The following GLOD4 variants were observed in gnomAD, a reference collection of about 807,000 sequenced individuals.
GLOD4 encodes glyoxalase domain containing 4.
A neutral mutation model predicts 39.1 loss-of-function variants in GLOD4; 44 were observed. The observed-to-expected ratio is 1.13, with a 90% CI of 0.88 to 1.45. The LOEUF is 1.45. Ranked by LOEUF, GLOD4 falls within the 40% of genes most tolerant of loss-of-function variation. GLOD4 has a pLI of 0.00. For missense variants in GLOD4, 405 were observed against 366.4 expected (o/e 1.11, Z -0.86); for synonymous variants, 145 against 135.0 (o/e 1.07, Z -0.52).
intron 8 of GLOD4, 41 bp from the exon 9 acceptor site, chr17:760,279 A>G: frequency 8.8e-7 from 1 of 1,138,180 alleles, no homozygotes; most frequent in Non-Finnish European, 1.3e-6. Context: ...TCCAAGCCTG[A>G]AAAACAAAAG....
At chr17:768,230 GAAAC>G (rs767205523) in intron 8 of GLOD4, among the ~76,000 whole-genome samples, 40 of 150,424 alleles carry the variant, frequency 2.7e-4, no homozygotes, top group Non-Finnish European at 5.5e-4. Flanking sequence ...GTGTGAGAGA[GAAAC>G]AGCGCGCACT....
chr17:784,687 A>G (rs1327271020), upstream of GLOD4, among the ~76,000 whole-genome samples: 1 of 152,200 alleles, frequency 6.6e-6, no homozygotes, highest in African/African-American at 2.4e-5. Context: ...TAAGGGAGAA[A>G]TGGATAGGAA....
At chr17:783,000 CTT>C, upstream of GLOD4, 1 of 1,519,692 alleles carries the variant, frequency 6.6e-7, no homozygotes, top group Non-Finnish European at 8.8e-7. Flanking sequence ...CTCCGTAGCT[CTT>C]TATTTCTGTT....
rs11663 is a variant in GLOD4 at position 769,950 on chromosome 17, T to A, written c.750A>T (p.Gly250=). ...CATCCCCGACAAAGCAAATTTCATG[T>A]CCGTCCTACACCAATAAAGAGAAAA... ...VQVVILADPD[G]HEICFVGDEA... The change falls in exon 8 of 9, where the codon GGA becomes GGT. Residue 250 remains glycine, a synonymous_variant. Transcript: ENST00000301329. The A allele has an allele frequency of 0.026, 41,521 of 1,606,994 alleles. 659 individuals carry two copies. Among genetic ancestry groups the A allele is most frequent in the Non-Finnish European group, 0.031 (35,880 of 1,173,462 alleles).
In GLOD4 at chr17:775,753, T is replaced by C. The variant is rs185292592; in HGVS notation, c.406+22A>G. The C allele has an allele frequency of 1.7e-3, 2,696 of 1,606,552 alleles. 3 individuals carry two copies. Among genetic ancestry groups the C allele is most frequent in the Non-Finnish European group, 2.0e-3 (2,366 of 1,173,502 alleles). Reference sequence around the variant, plus strand: ...CAAAGATGCCTTTAGACAGAGGCTTTTACTGGTTCTGGTATAATTACCTGA... The same window carrying C: ...CAAAGATGCCTTTAGACAGAGGCTTCTACTGGTTCTGGTATAATTACCTGA... On this transcript the variant is annotated intron_variant, in intron 4 of 8. Transcript: ENST00000301329.
At chr17:773,417 AATGT>A (rs1158792375) in intron 4 of GLOD4, among the ~76,000 whole-genome samples, 1 of 152,246 alleles carries the variant, frequency 6.6e-6, no homozygotes, top group East Asian at 1.9e-4. Context: ...GATATACAGA[AATGT>A]ATACACTTAA....
At chr17:781,868 T>C in intron 1 of GLOD4, 1 of 422,220 alleles carries the variant, frequency 2.4e-6, no homozygotes. Flanking sequence ...TTTACCGTCT[T>C]TTCCGGTAGA....
In GLOD4 at chr17:782,190, GAA is replaced by G; in HGVS notation, c.64_65del (p.Phe22LeufsTer13). The stretch of plus-strand genomic sequence containing the variant: ...CCTTCATCCCCAGGACGTCCCGATA[GAA>G]ACGCGCCGTCTGGAAGCGGTTTCCC... ...KVGNRFQTARFYRDVLGMKVL... is the reference protein window; with the variant it reads ...KVGNRFQTARXYRDVLGMKVL... On this transcript the variant is annotated frameshift_variant, in exon 1 of 9. Coordinates refer to ENST00000301329, the MANE Select transcript of GLOD4 (RefSeq NM_016080.4). LOFTEE classifies it high-confidence loss of function. The G allele has an allele frequency of 1.2e-6, 2 of 1,609,412 alleles. No individual in the cohort carries two copies. Among genetic ancestry groups the G allele is most frequent in the Non-Finnish European group, 1.7e-6 (2 of 1,176,714 alleles).
chr17:771,851 A>G lies in GLOD4; in HGVS notation c.407-390T>C, dbSNP rs966678803. On this transcript the variant is annotated intron_variant, in intron 4 of 8. Transcript: ENST00000301329. ...AAAACCCTGTCTCTACTAAAAATAA[A>G]AAATAAAAAAAATTAGCTGGGCGTG... Among the ~76,000 whole-genome samples the G allele has an allele frequency of 1.1e-4, 16 of 152,138 alleles. 2 individuals are homozygous for G. The highest frequency in any genetic ancestry group is 9.8e-4 in the Admixed American group (15 of 15,278).
chr17:783,069 A>G (rs747400353), upstream of GLOD4: 3 of 1,520,826 alleles, frequency 2.0e-6, no homozygotes, highest in Non-Finnish European at 2.6e-6. Flanking sequence ...TTTTTTTTTT[A>G]TTTCCATCTA....
chr17:774,604 C>T (rs763940711), intron 4 of GLOD4, among the ~76,000 whole-genome samples: 12 of 152,184 alleles, frequency 7.9e-5, no homozygotes, highest in Non-Finnish European at 1.3e-4. Context: ...TGAGTACCCA[C>T]GCTCAAGTCT....
chr17:770,436 A>G lies in GLOD4; in HGVS notation c.615T>C (p.Ser205=). 2 of 1,560,566 alleles carry G rather than the reference A, an allele frequency of 1.3e-6. No individual in the cohort carries two copies. The highest frequency in any genetic ancestry group is 1.4e-5 in the African/African-American group (1 of 74,000). The change falls in exon 6 of 9, where the codon TCT becomes TCC. Residue 205 remains serine, a synonymous_variant. Transcript: ENST00000301329. Reference sequence around the variant, plus strand: ...CAAGCGTTACCTCTTTCTGGGGGCAAGAGAAGGCAATTCTTCCAAAAGCTG... The same window carrying G: ...CAAGCGTTACCTCTTTCTGGGGGCAGGAGAAGGCAATTCTTCCAAAAGCTG... The part of the protein sequence containing the change: ...HAAAFGRIAF[S]CPQKELPDLE...
At position 771,453 on chromosome 17, in the gene GLOD4, A is replaced by T. The variant is rs1907932314; in HGVS notation, c.415T>A (p.Leu139Ile). Residue 139 changes from leucine (L) to isoleucine (I), a missense_variant, in exon 5 of 9, where the codon TTA becomes ATA. Coordinates refer to ENST00000301329, the MANE Select transcript of GLOD4 (RefSeq NM_016080.4). ...NRSLPQSDPV[L>I]KVTLAVSDLQ... ...TCAGACACTGCTAGAGTTACTTTTAATACAGGATCTGTTGGGTAATAAAGC... is the reference window on the plus strand; with the variant it reads ...TCAGACACTGCTAGAGTTACTTTTATTACAGGATCTGTTGGGTAATAAAGC... 6.4e-7 allele frequency: 1 copy of T among 1,563,760 alleles called. No individual in the cohort carries two copies. Among genetic ancestry groups the T allele is most frequent in the South Asian group, 1.2e-5 (1 of 86,172 alleles).
At chr17:784,855 A>G (rs1910459808), upstream of GLOD4, among the ~76,000 whole-genome samples, 1 of 152,086 alleles carries the variant, frequency 6.6e-6, no homozygotes, top group Admixed American at 6.6e-5. Context: ...GCCATCTGTG[A>G]CTCCGAAGTG....
In GLOD4 at chr17:775,938, C is replaced by T. The variant is rs770654132; in HGVS notation, c.262-19G>A. On this transcript the variant is annotated intron_variant, in intron 3 of 8. Coordinates refer to ENST00000301329, the MANE Select transcript of GLOD4 (RefSeq NM_016080.4). The stretch of plus-strand genomic sequence containing the variant: ...TGATTCCCTACAACAAACAACAGTA[C>T]ATCCAAGTACATGATCACAACAGAT... The T allele has an allele frequency of 1.9e-6, 3 of 1,602,940 alleles. No homozygotes were observed. The highest frequency in any genetic ancestry group is 1.1e-5 in the South Asian group (1 of 90,818).
intron 8 of GLOD4, among the ~76,000 whole-genome samples, chr17:762,791 T>G (rs1905743843): frequency 6.6e-6 from 1 of 152,254 alleles, no homozygotes; most frequent in African/African-American, 2.4e-5. Flanking sequence ...TGTATGGTAT[T>G]CAAGGGTGAG....
rs1907622433 is a variant in GLOD4 at position 769,901 on chromosome 17, T to A, written c.799A>T (p.Met267Leu). The A allele has an allele frequency of 4.4e-6, 7 of 1,608,798 alleles. No homozygotes were observed. Among genetic ancestry groups the A allele is most frequent in the Non-Finnish European group, 6.0e-6 (7 of 1,175,112 alleles). Residue 267 changes from methionine (M) to leucine (L), a missense_variant, in exon 8 of 9, where the codon ATG becomes TTG. Physicochemically the swap from Met to Leu is conservative, Grantham distance 15. Coordinates refer to ENST00000301329, the MANE Select transcript of GLOD4 (RefSeq NM_016080.4). ...AACAATTTGCTTCCCTCTGGATCCA[T>A]CTTAGAAAGTTCTCGAAATGCTTCA... is the stretch of plus-strand genomic sequence containing the variant. ...GDEAFRELSK[M>L]DPEGSKLLDD... is the part of the protein sequence containing the mutation.
Position 777,008 on chromosome 17 carries a change from G to A in GLOD4, c.141-20C>T, listed in dbSNP as rs1267731527. Reference sequence around the variant, plus strand: ...TAAGGCCTAGAAAATAAAAGTAAATGAACTCAGTGACTACAGACAAGTCAG... The same window carrying A: ...TAAGGCCTAGAAAATAAAAGTAAATAAACTCAGTGACTACAGACAAGTCAG... On this transcript the variant is annotated intron_variant, in intron 2 of 8. Transcript: ENST00000301329. 1 of 1,610,564 alleles carries A rather than the reference G, an allele frequency of 6.2e-7. No individual in the cohort carries two copies. The highest frequency in any genetic ancestry group is 8.5e-7 in the Non-Finnish European group (1 of 1,176,844).
intron 1 of GLOD4, among the ~76,000 whole-genome samples, chr17:780,233 A>G (rs1909658515): frequency 6.6e-6 from 1 of 152,276 alleles, no homozygotes; most frequent in African/African-American, 2.4e-5. Flanking sequence ...AACACCAAAA[A>G]AGCACATGCC....
Sources: allele counts gnomAD v4.1 joint callset (sites outside exome capture counted in the v4.1 genomes callset), GRCh38; gene constraint gnomAD v4.1.1; transcripts MANE v1.5; gene names NCBI Gene and HGNC (gene_info 2026-07-23, HGNC 2026-07-21).